Variants in WDR35 observed in about 807,000 individuals in gnomAD.
The protein encoded by WDR35 is WD repeat domain 35.
Under a neutral mutation model 158.3 loss-of-function variants are expected in WDR35, and 118 were observed. The observed-to-expected ratio is 0.75, with a 90% CI of 0.64 to 0.87. WDR35 has a LOEUF of 0.87. Among genes scored for constraint, WDR35 ranks in the 40% least tolerant of loss-of-function variants. The probability of loss-of-function intolerance (pLI) is 0.00; values close to 1 mark genes in which losing one functional copy is unlikely to be tolerated. For missense variants in WDR35, 1,263 were observed against 1,405.8 expected, an observed-to-expected ratio of 0.90 and a Z score of 1.62; for synonymous variants, 448 against 476.1, an observed-to-expected ratio of 0.94 and a Z score of 0.77.
chr2:19,944,593 T>C (rs1670988194), intron 16 of WDR35, among the ~76,000 whole-genome samples: 1 of 152,154 alleles, frequency 6.6e-6, no homozygotes, highest in African/African-American at 2.4e-5. Flanking sequence ...TAAATTTCCC[T>C]TGGACCCTTG....
rs1250796718 is a variant in WDR35, at chr2:19,974,636, A to C, written c.571-3T>G. The C allele has an allele frequency of 1.2e-6, 2 of 1,612,534 alleles. No homozygotes were observed. Among genetic ancestry groups the C allele is most frequent in the Non-Finnish European group, 1.7e-6 (2 of 1,178,996 alleles). Reference sequence around the variant, plus strand: ...AAACAACTCAGTTTCATTTTTATCTAAATAAAATTGGTTAGGTTTAATATT... The same window carrying C: ...AAACAACTCAGTTTCATTTTTATCTCAATAAAATTGGTTAGGTTTAATATT... On this transcript the variant is annotated splice_polypyrimidine_tract_variant and splice_region_variant and intron_variant, in intron 6 of 26. Transcript: ENST00000281405.
intron 1 of WDR35, among the ~76,000 whole-genome samples, chr2:19,989,655 G>A (rs1178396212): frequency 6.6e-6 from 1 of 152,162 alleles, no homozygotes; most frequent in Non-Finnish European, 1.5e-5. Context: ...CCAATGGCTC[G>A]TGGTGATCCA....
chr2:19,978,710 C>T (rs1473490118), intron 5 of WDR35, 41 bp downstream of exon 5: 1 of 1,612,564 alleles, frequency 6.2e-7, no homozygotes. Flanking sequence ...AAACTGTCAG[C>T]CAGATATTGA....
intron 8 of WDR35, among the ~76,000 whole-genome samples, chr2:19,972,008 A>AC (rs1424981016): frequency 6.6e-5 from 10 of 152,226 alleles, no homozygotes. Context: ...AATGAATTCA[A>AC]TACCAGATCA....
intron 12 of WDR35, among the ~76,000 whole-genome samples, chr2:19,953,476 T>C (rs528734494): frequency 5.3e-4 from 81 of 152,316 alleles, no homozygotes; most frequent in African/African-American, 1.7e-3. Flanking sequence ...TGGGAAAACC[T>C]ATACCACTAA....
intron 25 of WDR35, among the ~76,000 whole-genome samples, chr2:19,928,405 G>T (rs957361346): frequency 1.3e-5 from 2 of 152,176 alleles, no homozygotes; most frequent in Non-Finnish European, 2.9e-5. Flanking sequence ...TCTGAAGGTT[G>T]TGAGACCCCT....
At chr2:19,916,835 T>C (rs1417852565) in intron 25 of WDR35, among the ~76,000 whole-genome samples, 1 of 152,236 alleles carries the variant, frequency 6.6e-6, no homozygotes, top group African/African-American at 2.4e-5. Flanking sequence ...CTGGCAGCTC[T>C]GAAGACAGCA....
intron 19 of WDR35, among the ~76,000 whole-genome samples, chr2:19,937,502 A>G (rs1670734437): frequency 2.0e-5 from 3 of 151,344 alleles, no homozygotes; most frequent in African/African-American, 7.3e-5. Flanking sequence ...CCATCAAATG[A>G]AAAAAAAACC....
intron 12 of WDR35, among the ~76,000 whole-genome samples, chr2:19,952,243 A>G (rs553563617): frequency 6.6e-6 from 1 of 152,062 alleles, no homozygotes; most frequent in Non-Finnish European, 1.5e-5. Flanking sequence ...TTTAGCTTCC[A>G]CTGGTGACCT....
rs541211379 is a variant in WDR35 at position 19,915,747 on chromosome 2, A to G, written c.3122-1470T>C. Reference sequence around the variant, plus strand: ...CTTTAGAGCCAGCAAGAAGAAAACTACAAATCTTTAGAAACACAGATACAT... The same window carrying G: ...CTTTAGAGCCAGCAAGAAGAAAACTGCAAATCTTTAGAAACACAGATACAT... On this transcript the variant is annotated intron_variant, in intron 25 of 26. Transcript: ENST00000281405. Among the ~76,000 whole-genome samples the G allele has an allele frequency of 2.0e-4, 31 of 152,160 alleles. No homozygotes were observed. In the South Asian group the frequency reaches 6.2e-3, roughly 31 times the overall value.
At chr2:19,981,543 G>T (rs1469360534) in intron 3 of WDR35, among the ~76,000 whole-genome samples, 1 of 151,802 alleles carries the variant, frequency 6.6e-6, no homozygotes, top group Non-Finnish European at 1.5e-5. Flanking sequence ...CTTGAGACAG[G>T]ATCTTGCACT....
At chr2:19,975,880 C>G (rs551045291) in intron 5 of WDR35, among the ~76,000 whole-genome samples, 3 of 152,190 alleles carry the variant, frequency 2.0e-5, no homozygotes, top group African/African-American at 7.2e-5. Context: ...CTTCTAAACT[C>G]TGATGCTGGA....
intron 5 of WDR35, among the ~76,000 whole-genome samples, chr2:19,978,298 G>T (rs2103460116): frequency 6.6e-6 from 1 of 152,112 alleles, no homozygotes; most frequent in East Asian, 1.9e-4. Flanking sequence ...AAACAAAGGT[G>T]CAGACTCTCA....
intron 2 of WDR35, among the ~76,000 whole-genome samples, chr2:19,987,891 T>C (rs183334763): frequency 2.0e-3 from 292 of 146,482 alleles, no homozygotes; most frequent in African/African-American, 6.5e-3. Context: ...CAGACACACA[T>C]ATATATATAT....
intron 10 of WDR35, among the ~76,000 whole-genome samples, chr2:19,961,818 GA>G (rs1179318528): frequency 6.6e-6 from 1 of 152,172 alleles, no homozygotes; most frequent in East Asian, 1.9e-4. Context: ...AAATGCCTGG[GA>G]AAACTTCACC....
chr2:19,947,280 A>C (rs1330697337), intron 14 of WDR35, among the ~76,000 whole-genome samples: 1 of 152,194 alleles, frequency 6.6e-6, no homozygotes, highest in Admixed American at 6.5e-5. Context: ...TCTTCTTTTT[A>C]ATCAGAGAAC....
intron 5 of WDR35, among the ~76,000 whole-genome samples, chr2:19,977,046 G>A (rs148694569): frequency 1.3e-5 from 2 of 151,964 alleles, no homozygotes; most frequent in East Asian, 3.9e-4. Context: ...TGTCCAGGCT[G>A]GTCTCAAACT....
rs768388564 is a variant in WDR35 at position 19,927,281 on chromosome 2, G to A, written c.3121+3115C>T. Among the ~76,000 whole-genome samples the A allele has an allele frequency of 6.6e-5, 10 of 152,136 alleles. No homozygotes were observed. In the East Asian group the frequency reaches 7.7e-4, roughly 12 times the overall value. On this transcript the variant is annotated intron_variant, in intron 25 of 26. Transcript: ENST00000281405. ...TCTGCTCCTATAATTGAGGCATACC[G>A]CCCTCAAAAACCTATTTGTAAACAA...
chr2:19,913,063 A>T lies in WDR35; in HGVS notation c.*495T>A, dbSNP rs58021360. The stretch of plus-strand genomic sequence containing the variant: ...CTCACTTCTGAAAATACAATAAAGA[A>T]GACATTCGACACTTATTTAATTAAA... On this transcript the variant is annotated 3_prime_UTR_variant, in exon 27 of 27. Transcript: ENST00000281405. 2.0e-5 allele frequency: 3 copies of T among 153,198 alleles called. No individual in the cohort carries two copies. Among genetic ancestry groups the T allele is most frequent in the African/African-American group, 7.2e-5 (3 of 41,470 alleles). 9.5% of individuals were successfully genotyped at this position (153,198 alleles called of 1,614,324 possible). A position where few individuals can be genotyped will look rare whatever the true frequency, so the allele number is the denominator to read the frequency against.
Sources: allele counts gnomAD v4.1 joint callset (sites outside exome capture counted in the v4.1 genomes callset), GRCh38; gene constraint gnomAD v4.1.1; transcripts MANE v1.5; gene names NCBI Gene and HGNC (gene_info 2026-07-23, HGNC 2026-07-21).